ZNRF3: variants seen among roughly 807,000 people sequenced by gnomAD.
The protein encoded by ZNRF3 is zinc and ring finger 3.
A neutral mutation model predicts 72.5 loss-of-function variants in ZNRF3; 23 were observed. The ratio of observed to expected loss-of-function variants is 0.32; its 90% CI spans 0.23 to 0.45. The LOEUF is 0.45. Among genes scored for constraint, ZNRF3 ranks in the 20% least tolerant of loss-of-function variants. ZNRF3 has a pLI of 1.00. For synonymous variants in ZNRF3, 610 were observed against 545.3 expected (o/e 1.12, Z -1.65); for missense variants, 1,169 against 1,272.1 (o/e 0.92, Z 1.23).
chr22:29,054,551 TG>T lies in ZNRF3; in HGVS notation c.*931del, dbSNP rs2037265480. 1 of 152,826 alleles carries T rather than the reference TG, an allele frequency of 6.5e-6. No individual in the cohort carries two copies. Among genetic ancestry groups the T allele is most frequent in the African/African-American group, 2.4e-5 (1 of 41,476 alleles). The allele number at this position is 152,826 out of a possible 1,614,324, so 9.5% of individuals were successfully genotyped here. ...TTGTCCCCTTTGGTTGTCCTGGCTTTGGAGTCCTTTGCAAAAATATTTTGGG... is the reference window on the plus strand; with the variant it reads ...TTGTCCCCTTTGGTTGTCCTGGCTTTGAGTCCTTTGCAAAAATATTTTGGG... On this transcript the variant is annotated 3_prime_UTR_variant, in exon 9 of 9. Transcript: ENST00000544604.
At chr22:29,034,387 C>T (rs776318806) in intron 2 of ZNRF3, among the ~76,000 whole-genome samples, 3 of 152,160 alleles carry the variant, frequency 2.0e-5, no homozygotes, top group Non-Finnish European at 4.4e-5. Flanking sequence ...TTCAGCCTTC[C>T]ACCTGTGAGT....
Position 28,955,126 on chromosome 22 carries a change from G to A in ZNRF3, c.301-31950G>A, listed in dbSNP as rs1412163461. Among the ~76,000 whole-genome samples, 5 of 139,626 alleles carry A rather than the reference G, an allele frequency of 3.6e-5. No homozygotes were observed. In the East Asian group the frequency reaches 1.1e-3, roughly 30 times the overall value. The allele number at this position is 139,626 out of a possible 152,430, so 91.6% of individuals were successfully genotyped here. A position where few individuals can be genotyped will look rare whatever the true frequency, so the allele number is the denominator to read the frequency against. ...TGCAATCATGGCTCACTGCAGCTTT[G>A]ACCTCCTGGGCTCAAATGATCCTCC... On this transcript the variant is annotated intron_variant, in intron 1 of 8. Transcript: ENST00000544604.
chr22:28,909,950 G>C (rs5762890), intron 1 of ZNRF3, among the ~76,000 whole-genome samples: 9,501 of 151,692 alleles, frequency 0.063, 388 homozygotes, highest in East Asian at 0.13. Flanking sequence ...ATGTTTCCCA[G>C]GCTGGTCTTG....
intron 1 of ZNRF3, chr22:28,917,268 AACACACACACAC>A (rs10533572): frequency 0.02 from 3,333 of 169,930 alleles, 9 homozygotes; most frequent in Non-Finnish European, 0.028. Flanking sequence ...TTGGGGATAA[AACACACACACAC>A]ACACACACAC....
At chr22:28,969,745 G>A (rs2035536683) in intron 1 of ZNRF3, among the ~76,000 whole-genome samples, 1 of 152,174 alleles carries the variant, frequency 6.6e-6, no homozygotes, top group African/African-American at 2.4e-5. Flanking sequence ...GATTGCTCTG[G>A]CTGCTGTATT....
At chr22:28,901,613 A>G (rs894869499) in intron 1 of ZNRF3, among the ~76,000 whole-genome samples, 2 of 144,604 alleles carry the variant, frequency 1.4e-5, no homozygotes, top group South Asian at 4.3e-4. Flanking sequence ...TTTTGGGGGC[A>G]TGTAATAAAT....
intron 2 of ZNRF3, among the ~76,000 whole-genome samples, chr22:28,991,989 A>AT (rs996718809): frequency 5.1e-5 from 7 of 135,964 alleles, no homozygotes; most frequent in South Asian, 2.1e-4. Context: ...CAAAAGAATA[A>AT]AAAAAAAAAA....
chr22:28,897,176 C>G (rs115589143), intron 1 of ZNRF3, among the ~76,000 whole-genome samples: 2,267 of 152,310 alleles, frequency 0.015, 67 homozygotes, highest in African/African-American at 0.051. Context: ...TTCGTGGCGT[C>G]CTGTTGCTTA....
At chr22:29,004,080 G>A (rs2036198842) in intron 2 of ZNRF3, among the ~76,000 whole-genome samples, 1 of 152,242 alleles carries the variant, frequency 6.6e-6, no homozygotes, top group Non-Finnish European at 1.5e-5. Flanking sequence ...TTACAGGCTT[G>A]TCCAAACACT....
At position 28,883,819 on chromosome 22, in the gene ZNRF3, G is replaced by GCCTGCGCCGCCGCCC; in HGVS notation, c.56_70dup (p.Leu19_Pro23dup). 1 of 976,282 alleles carries GCCTGCGCCGCCGCCC rather than the reference G, an allele frequency of 1.0e-6. No homozygotes were observed. The highest frequency in any genetic ancestry group is 1.2e-6 in the Non-Finnish European group (1 of 826,624). The allele number at this position is 976,282 out of a possible 1,614,324, so 60.5% of individuals were successfully genotyped here. On this transcript the variant is annotated inframe_insertion, in exon 1 of 9. Transcript: ENST00000544604. This position sits in a 1 kb window ranked among gnomAD's most constrained non-coding sequence, Gnocchi z 5.5. The stretch of plus-strand genomic sequence containing the variant: ...GGGGCCACGGGCCGCCGCCGCCGCC[G>GCCTGCGCCGCCGCCC]CCTGCGCCGCCGCCCCCGCGGCCTC...
chr22:29,024,187 G>T (rs2036583772), intron 2 of ZNRF3, among the ~76,000 whole-genome samples: 1 of 151,222 alleles, frequency 6.6e-6, no homozygotes, highest in South Asian at 2.1e-4. Flanking sequence ...TCATTCACCT[G>T]TTATTGACCA....
chr22:28,887,075 T>TTA (rs2033801511), intron 1 of ZNRF3, among the ~76,000 whole-genome samples: 2 of 152,318 alleles, frequency 1.3e-5, no homozygotes, highest in South Asian at 4.1e-4. Context: ...CTTTTGTTAT[T>TTA]TCCACTGGGG....
chr22:29,018,799 C>A (rs2036480967), intron 2 of ZNRF3, among the ~76,000 whole-genome samples: 1 of 152,104 alleles, frequency 6.6e-6, no homozygotes, highest in Non-Finnish European at 1.5e-5. Flanking sequence ...TGGCCCTGTG[C>A]ATTCATTTAG....
intron 1 of ZNRF3, among the ~76,000 whole-genome samples, chr22:28,945,622 C>T (rs557547187): frequency 1.3e-5 from 2 of 151,728 alleles, no homozygotes; most frequent in East Asian, 1.9e-4. Flanking sequence ...CTCCACCTCT[C>T]GAGTTTAAGC....
intron 8 of ZNRF3, among the ~76,000 whole-genome samples, chr22:29,051,228 C>T (rs148040203): frequency 4.2e-4 from 64 of 152,208 alleles, no homozygotes; most frequent in African/African-American, 1.4e-3. Flanking sequence ...GCTCCCCATC[C>T]GCATGCTCAC....
chr22:29,036,274 G>A (rs1486993403), intron 2 of ZNRF3, among the ~76,000 whole-genome samples: 2 of 152,132 alleles, frequency 1.3e-5, no homozygotes, highest in South Asian at 4.1e-4. Context: ...AACAACAAGA[G>A]AAACCCTAAG....
rs943507617 is a variant in ZNRF3, at chr22:29,007,752, C to CTTTTTTTTTTTTTTTTTT, written c.426+20556_426+20573dup. On this transcript the variant is annotated intron_variant, in intron 2 of 8. Coordinates refer to ENST00000544604, the MANE Select transcript of ZNRF3 (RefSeq NM_001206998.2). ...CCTTTCATAGAAATTCCATTTCTTC[C>CTTTTTTTTTTTTTTTTTT]TTTTTTTTTTTTTTTTTTTTTTGAG... 6.9e-5 allele frequency among the ~76,000 whole-genome samples: 3 copies of CTTTTTTTTTTTTTTTTTT among 43,676 alleles called. 1 individual carries two copies. Among genetic ancestry groups the CTTTTTTTTTTTTTTTTTT allele is most frequent in the Non-Finnish European group, 1.1e-4 (2 of 19,044 alleles). 28.7% of individuals were successfully genotyped at this position (43,676 alleles called of 152,430 possible).
chr22:28,900,717 G>T (rs1476598426), intron 1 of ZNRF3, among the ~76,000 whole-genome samples: 1 of 152,158 alleles, frequency 6.6e-6, no homozygotes, highest in Non-Finnish European at 1.5e-5. Flanking sequence ...TCAGAAGAGG[G>T]AGGCAGTCCA....
intron 1 of ZNRF3, among the ~76,000 whole-genome samples, chr22:28,929,961 A>G (rs974005227): frequency 6.6e-6 from 1 of 152,240 alleles, no homozygotes; most frequent in African/African-American, 2.4e-5. Flanking sequence ...TCAGTTTGAG[A>G]AAAAATAGAA....
Sources: allele counts gnomAD v4.1 joint callset (sites outside exome capture counted in the v4.1 genomes callset), GRCh38; gene constraint gnomAD v4.1.1; non-coding constraint Gnocchi (gnomAD v3.1); transcripts MANE v1.5; gene names NCBI Gene and HGNC (gene_info 2026-07-23, HGNC 2026-07-21).